Variants in SNTG2 observed in about 807,000 individuals in gnomAD.
The protein encoded by SNTG2 is gamma-2-syntrophin.
Under a neutral mutation model 70.9 loss-of-function variants are expected in SNTG2, and 74 were observed. The ratio of observed to expected loss-of-function variants is 1.04; its 90% CI spans 0.86 to 1.27. The LOEUF (loss-of-function observed/expected upper bound fraction) is 1.27. SNTG2 is among the 50% of genes most tolerant of loss of function. The probability of loss-of-function intolerance (pLI) is 0.00; values close to 1 mark genes in which losing one functional copy is unlikely to be tolerated. For synonymous variants in SNTG2, 278 were observed against 273.8 expected, an observed-to-expected ratio of 1.02 and a Z score of -0.15; for missense variants, 717 against 690.7, an observed-to-expected ratio of 1.04 and a Z score of -0.43.
chr2:996,549 T>C (rs1661685579), intron 1 of SNTG2, among the ~76,000 whole-genome samples: 1 of 152,130 alleles, frequency 6.6e-6, no homozygotes, highest in Non-Finnish European at 1.5e-5. Context: ...TGTGTATCTA[T>C]ATATCTACAT....
intron 1 of SNTG2, among the ~76,000 whole-genome samples, chr2:1,047,862 C>G (rs1165127955): frequency 6.6e-6 from 1 of 151,990 alleles, no homozygotes; most frequent in African/African-American, 2.4e-5. Flanking sequence ...GGTACACACA[C>G]AGAAAATGCT....
At chr2:1,064,992 A>C (rs1663059170) in intron 1 of SNTG2, among the ~76,000 whole-genome samples, 1 of 152,234 alleles carries the variant, frequency 6.6e-6, no homozygotes, top group South Asian at 2.1e-4. Flanking sequence ...ATTGTGGAGC[A>C]ATTTCATATC....
intron 6 of SNTG2, 32 bp from the exon 7 acceptor site, chr2:1,165,516 G>T: frequency 6.4e-7 from 1 of 1,574,014 alleles, no homozygotes; most frequent in Non-Finnish European, 8.7e-7. Context: ...CTTTTGTGGT[G>T]GTAAAAGTAG....
At chr2:1,331,941 C>T (rs2148285019) in intron 16 of SNTG2, among the ~76,000 whole-genome samples, 1 of 152,276 alleles carries the variant, frequency 6.6e-6, no homozygotes, top group South Asian at 2.1e-4. Flanking sequence ...CAGCCTGGTG[C>T]CTGCTTGGCT....
At chr2:1,252,317 C>T (rs1190783182) in intron 12 of SNTG2, among the ~76,000 whole-genome samples, 3 of 152,158 alleles carry the variant, frequency 2.0e-5, no homozygotes, top group Admixed American at 6.5e-5. Context: ...GTATACTTCC[C>T]GATGACTTCA....
intron 1 of SNTG2, among the ~76,000 whole-genome samples, chr2:1,025,726 C>T (rs1008030904): frequency 2.0e-5 from 3 of 152,186 alleles, no homozygotes; most frequent in African/African-American, 7.2e-5. Context: ...CCTGTGATGA[C>T]ACTGGGCCCT....
intron 1 of SNTG2, among the ~76,000 whole-genome samples, chr2:1,010,769 G>GCTAT (rs1207704166): frequency 2.6e-5 from 4 of 152,174 alleles, no homozygotes; most frequent in Non-Finnish European, 5.9e-5. Context: ...TGCTGACAGG[G>GCTAT]CTATGAATGA....
At chr2:976,219 T>A (rs138356953) in intron 1 of SNTG2, among the ~76,000 whole-genome samples, 18 of 152,302 alleles carry the variant, frequency 1.2e-4, no homozygotes, top group African/African-American at 4.1e-4. Flanking sequence ...AAATTATGGA[T>A]CTTTTGAAGT....
chr2:1,356,049 C>T (rs1299820634), intron 16 of SNTG2, among the ~76,000 whole-genome samples: 1 of 152,108 alleles, frequency 6.6e-6, no homozygotes, highest in Non-Finnish European at 1.5e-5. Context: ...TTGTTTTTTA[C>T]TATTGAGTTG....
At chr2:1,298,466 A>G (rs1489014272) in intron 14 of SNTG2, among the ~76,000 whole-genome samples, 1 of 152,198 alleles carries the variant, frequency 6.6e-6, no homozygotes, top group African/African-American at 2.4e-5. Flanking sequence ...TAATATGTAA[A>G]CAGAAGACAG....
chr2:1,009,856 CTATTGCCCCCATCTCTCTTCTCATCCT>C (rs2147996325), intron 1 of SNTG2, among the ~76,000 whole-genome samples: 1 of 152,284 alleles, frequency 6.6e-6, no homozygotes, highest in East Asian at 1.9e-4. Flanking sequence ...CCCTATGTTC[CTATTGCCCCCATCTCTCTTCTCATCCT>C]TTCATTTGTA....
At position 1,145,731 on chromosome 2, in the gene SNTG2, C is replaced by A. The variant is rs548481226; in HGVS notation, c.411+7922C>A. ...GGCCAGCTTTATCACAATACCAAAA[C>A]CAGATGAAGACATTATGAGAAAAGA... On this transcript the variant is annotated intron_variant, in intron 6 of 16. Coordinates refer to ENST00000308624, the MANE Select transcript of SNTG2 (RefSeq NM_018968.4). Among the ~76,000 whole-genome samples, 31 of 152,246 alleles carry A rather than the reference C, an allele frequency of 2.0e-4. 1 individual carries two copies. Among genetic ancestry groups the A allele is most frequent in the Admixed American group, 3.9e-4 (6 of 15,288 alleles).
chr2:1,264,431 T>A (rs529005295), intron 13 of SNTG2, among the ~76,000 whole-genome samples: 55 of 152,336 alleles, frequency 3.6e-4, no homozygotes, highest in Non-Finnish European at 7.3e-4. Context: ...CTCCTTCGTG[T>A]TGAGTCCAGT....
At chr2:1,329,517 T>C (rs1659401659) in intron 16 of SNTG2, among the ~76,000 whole-genome samples, 1 of 152,162 alleles carries the variant, frequency 6.6e-6, no homozygotes, top group East Asian at 1.9e-4. Flanking sequence ...GCTGTATCTG[T>C]CAGGTAAAAT....
intron 1 of SNTG2, among the ~76,000 whole-genome samples, chr2:998,612 T>A (rs1320057099): frequency 1.3e-5 from 2 of 151,686 alleles, no homozygotes; most frequent in African/African-American, 4.8e-5. Flanking sequence ...AAAAAAAAAA[T>A]TTAAGGCCTT....
chr2:1,156,268 T>C (rs1669891013), intron 6 of SNTG2, among the ~76,000 whole-genome samples: 1 of 152,128 alleles, frequency 6.6e-6, no homozygotes. Context: ...AAGGGAGGGA[T>C]TCCTGTGGCC....
chr2:1,028,689 A>G (rs1475475876), intron 1 of SNTG2, among the ~76,000 whole-genome samples: 1 of 151,234 alleles, frequency 6.6e-6, no homozygotes, highest in Non-Finnish European at 1.5e-5. Flanking sequence ...TAGAACTCCA[A>G]CACATTCCTG....
chr2:1,198,103 C>CA (rs1287028879), intron 8 of SNTG2, among the ~76,000 whole-genome samples: 1 of 149,876 alleles, frequency 6.7e-6, no homozygotes, highest in Non-Finnish European at 1.5e-5. Context: ...CATTAGGCCA[C>CA]AAAAAAAAGT....
Position 1,097,821 on chromosome 2 carries a change from G to A in SNTG2, c.211-375G>A, listed in dbSNP as rs372402910. ...GTCCTGGGGTTGGTGGGTAGAGAGCGGTTCTAAAACAGGACTGAGTGCTCC... is the reference window on the plus strand; with the variant it reads ...GTCCTGGGGTTGGTGGGTAGAGAGCAGTTCTAAAACAGGACTGAGTGCTCC... On this transcript the variant is annotated intron_variant, in intron 2 of 16. Coordinates refer to ENST00000308624, the MANE Select transcript of SNTG2 (RefSeq NM_018968.4). This position sits in a 1 kb window ranked among gnomAD's most constrained non-coding sequence, Gnocchi z 4.1. Among the ~76,000 whole-genome samples, 2 of 151,884 alleles carry A rather than the reference G, an allele frequency of 1.3e-5. No homozygotes were observed. The highest frequency in any genetic ancestry group is 2.4e-5 in the African/African-American group (1 of 41,364).
Sources: allele counts gnomAD v4.1 joint callset (sites outside exome capture counted in the v4.1 genomes callset), GRCh38; gene constraint gnomAD v4.1.1; non-coding constraint Gnocchi (gnomAD v3.1); transcripts MANE v1.5; gene names NCBI Gene and HGNC (gene_info 2026-07-23, HGNC 2026-07-21).